Variants in TENM2 observed in about 807,000 individuals in gnomAD.
The protein encoded by TENM2 is teneurin-2.
A neutral mutation model predicts 245.2 loss-of-function variants in TENM2; 52 were observed. The observed-to-expected ratio is 0.21, with a 90% CI of 0.17 to 0.27. The LOEUF (loss-of-function observed/expected upper bound fraction) is 0.27. Ranked by LOEUF, TENM2 falls within the 10% of genes least tolerant of loss-of-function variation. The pLI is 1.00. For synonymous variants in TENM2, 1,363 were observed against 1,438.9 expected, an observed-to-expected ratio of 0.95 and a Z score of 1.19; for missense variants, 3,046 against 3,666.8, an observed-to-expected ratio of 0.83 and a Z score of 4.37.
At chr5:167,956,182 C>T (rs752635851) in intron 4 of TENM2, among the ~76,000 whole-genome samples, 47 of 152,184 alleles carry the variant, frequency 3.1e-4, no homozygotes, top group Non-Finnish European at 5.9e-4. Context: ...AGAGGTCCTT[C>T]ACATCCCTTG....
chr5:168,190,324 T>G lies in TENM2; in HGVS notation c.2570-13T>G. 6.2e-7 allele frequency: 1 copy of G among 1,609,914 alleles called. No homozygotes were observed. The highest frequency in any genetic ancestry group is 8.5e-7 in the Non-Finnish European group (1 of 1,177,458). ...GAAATCTGCTGACTCTGGCTCTGCC[T>G]CTGCCCTTCCAGATGGCCTGGTGGA... On this transcript the variant is annotated splice_polypyrimidine_tract_variant and intron_variant, in intron 13 of 28. Transcript: ENST00000518659.
At chr5:168,146,121 T>C (rs1268017735) in intron 12 of TENM2, among the ~76,000 whole-genome samples, 1 of 151,636 alleles carries the variant, frequency 6.6e-6, no homozygotes, top group Non-Finnish European at 1.5e-5. Flanking sequence ...TCATGTCGTC[T>C]GCAAACAGGG....
At chr5:167,707,300 C>A (rs1367321057) in intron 2 of TENM2, among the ~76,000 whole-genome samples, 1 of 151,982 alleles carries the variant, frequency 6.6e-6, no homozygotes, top group African/African-American at 2.4e-5. Flanking sequence ...AATAGGAGTT[C>A]CTTATGTATT....
intron 4 of TENM2, among the ~76,000 whole-genome samples, chr5:167,984,659 GA>G (rs915949295): frequency 4.1e-4 from 62 of 151,080 alleles, no homozygotes; most frequent in South Asian, 2.5e-3. Flanking sequence ...TGTCTTGGGG[GA>G]AAAAAAAATT....
the TENM2 span, among the ~76,000 whole-genome samples, chr5:167,220,623 G>A: frequency 3.3e-5 from 5 of 152,076 alleles, no homozygotes; most frequent in Middle Eastern, 3.2e-3. Context: ...GACTGGTAGC[G>A]CAATCATAAG....
rs78106599 is a variant in TENM2 at position 167,921,352 on chromosome 5, C to T, written c.713-31236C>T. Among the ~76,000 whole-genome samples the T allele has an allele frequency of 6.6e-5, 10 of 152,326 alleles. No individual in the cohort carries two copies. In the East Asian group the frequency reaches 1.9e-3, roughly 29 times the overall value. On this transcript the variant is annotated intron_variant, in intron 3 of 28. Transcript: ENST00000518659. ...CCAAATATTCTACAGTCTCTAAAGA[C>T]TAGCTGATCTTCCGTTGGCCTCATT... is the stretch of plus-strand genomic sequence containing the variant.
intron 5 of TENM2, among the ~76,000 whole-genome samples, chr5:168,043,116 C>A (rs1788337603): frequency 6.6e-6 from 1 of 152,182 alleles, no homozygotes. Context: ...CTAGAGCATT[C>A]AAGGTGGGGC....
intron 5 of TENM2, among the ~76,000 whole-genome samples, chr5:168,010,754 C>T (rs942181841): frequency 7.2e-5 from 11 of 152,258 alleles, no homozygotes; most frequent in Admixed American, 4.6e-4. Context: ...TCTGCAGCTA[C>T]GCTGATTAGC....
chr5:167,214,969 G>A, the TENM2 span, among the ~76,000 whole-genome samples: 4 of 152,088 alleles, frequency 2.6e-5, no homozygotes, highest in Admixed American at 6.5e-5. Context: ...CATCCCTTCC[G>A]AATATATTTC....
intron 2 of TENM2, among the ~76,000 whole-genome samples, chr5:167,474,903 A>G (rs930808189): frequency 6.6e-6 from 1 of 152,342 alleles, no homozygotes; most frequent in Non-Finnish European, 1.5e-5. Context: ...GACTGTTTTC[A>G]AATTTTGCCT....
In TENM2 at chr5:167,801,620, C is replaced by T. The variant is rs994031876; in HGVS notation, c.503-74366C>T. 2.0e-5 allele frequency among the ~76,000 whole-genome samples: 3 copies of T among 152,138 alleles called. No individual in the cohort carries two copies. The East Asian group carries it at 5.8e-4, about 29-fold the overall frequency. ...TGAATTCAATTTGGGGACAGGAAAC[C>T]AGAGATCCAAGGAAGCAAGAGTGAA... On this transcript the variant is annotated intron_variant, in intron 2 of 28. Transcript: ENST00000518659.
chr5:168,008,660 A>G (rs924553407), intron 5 of TENM2, among the ~76,000 whole-genome samples: 1 of 152,168 alleles, frequency 6.6e-6, no homozygotes, highest in Non-Finnish European at 1.5e-5. Flanking sequence ...CAAAGAAAAG[A>G]CAGATTTGTG....
the TENM2 span, among the ~76,000 whole-genome samples, chr5:167,026,617 C>T: frequency 6.6e-6 from 1 of 152,150 alleles, no homozygotes; most frequent in Non-Finnish European, 1.5e-5. Flanking sequence ...TCCATCCCTA[C>T]AAAAAAACCT....
At chr5:167,325,347 G>A (rs1451376974) in intron 1 of TENM2, among the ~76,000 whole-genome samples, 1 of 152,170 alleles carries the variant, frequency 6.6e-6, no homozygotes, top group East Asian at 1.9e-4. Flanking sequence ...TATAGTTTGA[G>A]TGATGGTGGA....
chr5:167,426,252 T>C (rs1763815123), intron 2 of TENM2, among the ~76,000 whole-genome samples: 1 of 152,206 alleles, frequency 6.6e-6, no homozygotes, highest in Admixed American at 6.5e-5. Flanking sequence ...AAAATGGCAC[T>C]GTAACATCTC....
intron 6 of TENM2, among the ~76,000 whole-genome samples, chr5:168,060,401 G>A (rs1489412332): frequency 6.6e-6 from 1 of 152,090 alleles, no homozygotes; most frequent in Admixed American, 6.6e-5. Context: ...GCAACAGAGT[G>A]AGACCCTGTC....
exon 10 of TENM2, chr5:168,118,331 C>T: frequency 2.5e-6 from 4 of 1,608,580 alleles, no homozygotes; most frequent in Non-Finnish European, 3.4e-6. Context: ...GGACAATATT[C>T]TAAAGGGACG....
intron 2 of TENM2, among the ~76,000 whole-genome samples, chr5:167,658,419 G>T (rs1181293876): frequency 6.6e-6 from 1 of 151,916 alleles, no homozygotes; most frequent in African/African-American, 2.4e-5. Context: ...TGTTGGTCAG[G>T]CTGGTTTCGA....
At chr5:168,094,978 T>A (rs553419329) in intron 8 of TENM2, among the ~76,000 whole-genome samples, 1 of 151,762 alleles carries the variant, frequency 6.6e-6, no homozygotes, top group South Asian at 2.1e-4. Context: ...CTTGTGAGAA[T>A]CTAACGCCTG....
Sources: allele counts gnomAD v4.1 joint callset (sites outside exome capture counted in the v4.1 genomes callset), GRCh38; gene constraint gnomAD v4.1.1; transcripts MANE v1.5; gene names NCBI Gene and HGNC (gene_info 2026-07-23, HGNC 2026-07-21).